DTL: variants seen among roughly 807,000 people sequenced by gnomAD.
DTL encodes denticleless E3 ubiquitin protein ligase adapter.
A neutral mutation model predicts 87.0 loss-of-function variants in DTL; 46 were observed. The ratio of observed to expected loss-of-function variants is 0.53; its 90% CI spans 0.42 to 0.68. The LOEUF is 0.68. DTL is among the 30% of genes least tolerant of loss of function. The pLI is 0.00. For missense variants in DTL, 737 were observed against 869.4 expected (o/e 0.85, Z 1.91); for synonymous variants, 308 against 311.2 (o/e 0.99, Z 0.11).
At chr1:212,045,648 A>G (rs1397488558) in intron 3 of DTL, among the ~76,000 whole-genome samples, 4 of 152,326 alleles carry the variant, frequency 2.6e-5, no homozygotes, top group Admixed American at 6.5e-5. Flanking sequence ...AAAACTTACG[A>G]AGCATGGGGC....
At chr1:212,081,959 GGTTCATT>G in intron 13 of DTL, among the ~76,000 whole-genome samples, 1 of 152,264 alleles carries the variant, frequency 6.6e-6, no homozygotes, top group Admixed American at 6.5e-5. Context: ...GCAGATGTGA[GGTTCATT>G]ATCACACAGG....
rs576896427 is a variant in DTL, at chr1:212,050,055, G to A, written c.460+2638G>A. ...GTACAGTGGTATGCACCTATAGTCC[G>A]AGCTACTTGGGAGGCTGAGGTGGGA... On this transcript the variant is annotated intron_variant, in intron 5 of 14. Transcript: ENST00000366991. Among the ~76,000 whole-genome samples, 15 of 151,972 alleles carry A rather than the reference G, an allele frequency of 9.9e-5. 1 individual carries two copies. The highest frequency in any genetic ancestry group is 1.5e-4 in the Non-Finnish European group (10 of 67,958).
In DTL at chr1:212,100,566, T is replaced by G. The variant is rs762299268; in HGVS notation, c.1576T>G (p.Ser526Ala). ...ACCTGCTTCGGAGACCAAGATCATGTCTCCGAGAAAAGCCCTTATTCCTGT... is the reference window on the plus strand; with the variant it reads ...ACCTGCTTCGGAGACCAAGATCATGGCTCCGAGAAAAGCCCTTATTCCTGT... ...TPPASETKIM[S>A]PRKALIPVSQ... Residue 526 changes from serine to alanine, a missense_variant, in exon 14 of 15, where the codon TCT becomes GCT. Physicochemically the swap from Ser to Ala is moderately conservative, Grantham distance 99. Coordinates refer to ENST00000366991, the MANE Select transcript of DTL (RefSeq NM_016448.4). 6.8e-6 allele frequency: 11 copies of G among 1,613,914 alleles called. No homozygotes were observed. The highest frequency in any genetic ancestry group is 8.5e-6 in the Non-Finnish European group (10 of 1,179,980).
chr1:212,038,757 C>A (rs919238496), intron 1 of DTL, among the ~76,000 whole-genome samples: 3 of 152,184 alleles, frequency 2.0e-5, no homozygotes, highest in Non-Finnish European at 4.4e-5. Flanking sequence ...TCTGATTACT[C>A]TTCTGTGTAT....
chr1:212,102,756 A>G, intron 14 of DTL, 86 bp from the exon 15 acceptor site: 1 of 878,832 alleles, frequency 1.1e-6, no homozygotes, highest in Non-Finnish European at 1.8e-6. Context: ...AATTTCTGGC[A>G]GCCTAATTTA....
At chr1:212,078,022 G>GT in intron 11 of DTL, 151 bp from the exon 12 acceptor site, 9 of 390,924 alleles carry the variant, frequency 2.3e-5, no homozygotes, top group South Asian at 3.4e-5. Flanking sequence ...TTGGAAATCT[G>GT]TTGTTTTTTT....
At chr1:212,044,885 G>C in intron 3 of DTL, 127 bp downstream of exon 3, 4 of 604,772 alleles carry the variant, frequency 6.6e-6, no homozygotes, top group Non-Finnish European at 1.2e-5. Flanking sequence ...ACTGAGACTG[G>C]GTAGTTTATA....
chr1:212,059,058 G>T (rs889932191), intron 5 of DTL, among the ~76,000 whole-genome samples: 9 of 152,070 alleles, frequency 5.9e-5, no homozygotes, highest in Non-Finnish European at 1.0e-4. Flanking sequence ...ACAAAGAAAA[G>T]TTCAGGACCA....
intron 5 of DTL, among the ~76,000 whole-genome samples, chr1:212,049,953 G>A (rs1232938103): frequency 6.6e-6 from 1 of 151,988 alleles, no homozygotes; most frequent in Non-Finnish European, 1.5e-5. Context: ...GGCTGAGAAG[G>A]ATTGCTTGAG....
At chr1:212,072,826 C>T (rs11119840) in intron 11 of DTL, among the ~76,000 whole-genome samples, 57,755 of 148,240 alleles carry the variant, frequency 0.39, 13,124 homozygotes, top group Middle Eastern at 0.55. Flanking sequence ...TGCAGTGGCA[C>T]GATCTTGGCT....
chr1:212,044,618 A>AAT, intron 2 of DTL, 42 bp from the exon 3 acceptor site: 1 of 1,265,734 alleles, frequency 7.9e-7, no homozygotes, highest in Non-Finnish European at 1.1e-6. Flanking sequence ...AAAAAAAAAA[A>AAT]TTGTGTTACT....
intron 5 of DTL, among the ~76,000 whole-genome samples, chr1:212,057,624 T>G (rs1668218272): frequency 6.6e-6 from 1 of 151,968 alleles, no homozygotes; most frequent in Admixed American, 6.6e-5. Context: ...ATGTTACCAC[T>G]ACCGAATACC....
At chr1:212,063,647 A>G (rs1654403213) in intron 6 of DTL, among the ~76,000 whole-genome samples, 1 of 152,228 alleles carries the variant, frequency 6.6e-6, no homozygotes, top group Non-Finnish European at 1.5e-5. Flanking sequence ...TCATGATGCT[A>G]TTAAGCAGAC....
rs777742455 is a variant in DTL at position 212,060,607 on chromosome 1, C to T, written c.461-2277C>T. Among the ~76,000 whole-genome samples the T allele has an allele frequency of 2.6e-5, 4 of 151,866 alleles. 1 individual carries two copies. The highest frequency in any genetic ancestry group is 1.3e-4 in the Admixed American group (2 of 15,232). On this transcript the variant is annotated intron_variant, in intron 5 of 14. Transcript: ENST00000366991. Reference sequence around the variant, plus strand: ...AAAAATTAGCTTGACGTGGTAGGCGCGCCTGTAGTCCCAGCTGCTTGGAAG... The same window carrying T: ...AAAAATTAGCTTGACGTGGTAGGCGTGCCTGTAGTCCCAGCTGCTTGGAAG...
intron 1 of DTL, among the ~76,000 whole-genome samples, chr1:212,042,607 T>C (rs150539596): frequency 1.7e-3 from 266 of 152,354 alleles, no homozygotes; most frequent in Admixed American, 3.7e-3. Flanking sequence ...TTTTGTATGA[T>C]GTTCTGGAAT....
At position 212,035,763 on chromosome 1, in the gene DTL, G is replaced by C; in HGVS notation, c.-128G>C. The C allele has an allele frequency of 1.1e-6, 1 of 926,762 alleles. No individual in the cohort carries two copies. Among genetic ancestry groups the C allele is most frequent in the Non-Finnish European group, 1.7e-6 (1 of 589,472 alleles). The allele number at this position is 926,762 out of a possible 1,614,324, so 57.4% of individuals were successfully genotyped here. A position where few individuals can be genotyped will look rare whatever the true frequency, so the allele number is the denominator to read the frequency against. On this transcript the variant is annotated 5_prime_UTR_variant, in exon 1 of 15. Coordinates refer to ENST00000366991, the MANE Select transcript of DTL (RefSeq NM_016448.4). Reference sequence around the variant, plus strand: ...AGTTTGGCGCGGAGTTTGGCGGCCGGGGCTTACAGTGGCGGGAGTTGGAGG... The same window carrying C: ...AGTTTGGCGCGGAGTTTGGCGGCCGCGGCTTACAGTGGCGGGAGTTGGAGG...
chr1:212,051,808 C>T, intron 5 of DTL: 1 of 759,672 alleles, frequency 1.3e-6, no homozygotes, highest in Non-Finnish European at 2.3e-6. Context: ...TGCTGGGTAA[C>T]ATTGTAGACT....
At chr1:212,090,698 G>A (rs1655255752) in intron 13 of DTL, among the ~76,000 whole-genome samples, 1 of 152,234 alleles carries the variant, frequency 6.6e-6, no homozygotes, top group African/African-American at 2.4e-5. Flanking sequence ...GATTTACAGA[G>A]AGCAAGCACT....
In DTL at chr1:212,053,408, G is replaced by A. The variant is rs185893498; in HGVS notation, c.460+5991G>A. Among the ~76,000 whole-genome samples, 245 of 151,818 alleles carry A rather than the reference G, an allele frequency of 1.6e-3. 1 individual carries two copies. The highest frequency in any genetic ancestry group is 3.0e-3 in the Admixed American group (46 of 15,264). On this transcript the variant is annotated intron_variant, in intron 5 of 14. Coordinates refer to ENST00000366991, the MANE Select transcript of DTL (RefSeq NM_016448.4). ...AGAGATGGGGTTTCACCCATGGTTG[G>A]TCTTGAACTTCTGGGCCCAAGGGAT...
Sources: allele counts gnomAD v4.1 joint callset (sites outside exome capture counted in the v4.1 genomes callset), GRCh38; gene constraint gnomAD v4.1.1; transcripts MANE v1.5; gene names NCBI Gene and HGNC (gene_info 2026-07-23, HGNC 2026-07-21).